Variants in PCDHGB6 observed in about 807,000 individuals in gnomAD.
PCDHGB6 encodes the protein protocadherin gamma-B6.
Under a neutral mutation model 59.1 loss-of-function variants are expected in PCDHGB6, and 51 were observed. The observed-to-expected ratio is 0.86, with a 90% CI of 0.69 to 1.09. The LOEUF (loss-of-function observed/expected upper bound fraction) is 1.09, where lower values mean the gene tolerates loss of function less well. Among genes scored for constraint, PCDHGB6 ranks in the 50% least tolerant of loss-of-function variants. The probability of loss-of-function intolerance (pLI) is 0.00; values close to 1 mark genes in which losing one functional copy is unlikely to be tolerated. For synonymous variants in PCDHGB6, 466 were observed against 495.1 expected, an observed-to-expected ratio of 0.94 and a Z score of 0.78; for missense variants, 1,148 against 1,205.1, an observed-to-expected ratio of 0.95 and a Z score of 0.70.
chr5:141,477,037 G>A lies in PCDHGB6; in HGVS notation c.2419-17770G>A. ...TTGTAACCGGGATGCTGACAATCAAGGGTCGGCTGGACTTCGAGGACACCA... is the reference window on the plus strand; with the variant it reads ...TTGTAACCGGGATGCTGACAATCAAAGGTCGGCTGGACTTCGAGGACACCA... On this transcript the variant is annotated intron_variant, in intron 1 of 3. Coordinates refer to ENST00000520790, the MANE Select transcript of PCDHGB6 (RefSeq NM_018926.3). This position sits in a 1 kb window ranked among gnomAD's most constrained non-coding sequence, Gnocchi z 4.9. 6.2e-7 allele frequency: 1 copy of A among 1,614,266 alleles called. No individual in the cohort carries two copies. The highest frequency in any genetic ancestry group is 8.5e-7 in the Non-Finnish European group (1 of 1,180,052).
In PCDHGB6 at chr5:141,414,653, A is replaced by G. The variant is rs2095771118; in HGVS notation, c.2418+4033A>G. ...AGCAAAGAGAATGCCCAGATTATTT[A>G]CTCCCTGGCTGAAGACACCATCCAG... On this transcript the variant is annotated intron_variant, in intron 1 of 3. Coordinates refer to ENST00000520790, the MANE Select transcript of PCDHGB6 (RefSeq NM_018926.3). 6.2e-7 allele frequency: 1 copy of G among 1,613,644 alleles called. No homozygotes were observed.
intron 1 of PCDHGB6, among the ~76,000 whole-genome samples, chr5:141,439,431 G>A (rs2154558488): frequency 6.6e-6 from 1 of 152,298 alleles, no homozygotes; most frequent in Non-Finnish European, 1.5e-5. Flanking sequence ...AAATTCCCAG[G>A]AATATTTTAT....
chr5:141,451,582 T>C (rs1361047985), intron 1 of PCDHGB6, among the ~76,000 whole-genome samples: 1 of 152,012 alleles, frequency 6.6e-6, no homozygotes, highest in Non-Finnish European at 1.5e-5. Flanking sequence ...TAAACCTAAT[T>C]TTGAAAGTGA....
At chr5:141,428,255 G>C in intron 1 of PCDHGB6, 1 of 875,580 alleles carries the variant, frequency 1.1e-6, no homozygotes, top group Non-Finnish European at 1.8e-6. Flanking sequence ...CCAGACTTCA[G>C]TGACAGTCCT....
At position 141,421,474 on chromosome 5, in the gene PCDHGB6, G is replaced by C. The variant is rs1320526226; in HGVS notation, c.2418+10854G>C. 4 of 1,614,132 alleles carry C rather than the reference G, an allele frequency of 2.5e-6. No homozygotes were observed. The African/African-American group carries it at 5.3e-5, about 21-fold the overall frequency. On this transcript the variant is annotated intron_variant, in intron 1 of 3. Coordinates refer to ENST00000520790, the MANE Select transcript of PCDHGB6 (RefSeq NM_018926.3). ...GCTTTTCGCTGTGAATCCGCGAAGCGGCAGCTTGATCACGGCAGGCAGGAT... is the reference window on the plus strand; with the variant it reads ...GCTTTTCGCTGTGAATCCGCGAAGCCGCAGCTTGATCACGGCAGGCAGGAT...
At position 141,431,398 on chromosome 5, in the gene PCDHGB6, G is replaced by A. The variant is rs1052461071; in HGVS notation, c.2418+20778G>A. ...AGGCTGCTCACCACCTGGTCCTTACGGCCTCCGACGGGGGCGACCCGGTGC... is the reference window on the plus strand; with the variant it reads ...AGGCTGCTCACCACCTGGTCCTTACAGCCTCCGACGGGGGCGACCCGGTGC... On this transcript the variant is annotated intron_variant, in intron 1 of 3. Coordinates refer to ENST00000520790, the MANE Select transcript of PCDHGB6 (RefSeq NM_018926.3). This position sits in a 1 kb window ranked among gnomAD's most constrained non-coding sequence, Gnocchi z 4.8. The A allele has an allele frequency of 6.8e-6, 11 of 1,613,768 alleles. No homozygotes were observed. Among genetic ancestry groups the A allele is most frequent in the Non-Finnish European group, 9.3e-6 (11 of 1,180,036 alleles).
Position 141,491,965 on chromosome 5 carries a change from G to A in PCDHGB6, c.2419-2842G>A. 1 of 946,810 alleles carries A rather than the reference G, an allele frequency of 1.1e-6. No individual in the cohort carries two copies. Among genetic ancestry groups the A allele is most frequent in the Non-Finnish European group, 1.5e-6 (1 of 672,398 alleles). 58.7% of individuals were successfully genotyped at this position (946,810 alleles called of 1,614,324 possible). On this transcript the variant is annotated intron_variant, in intron 1 of 3. Coordinates refer to ENST00000520790, the MANE Select transcript of PCDHGB6 (RefSeq NM_018926.3). The surrounding 1 kb of genome is among the most constrained non-coding windows in gnomAD (Gnocchi z 6.9). ...CCCACCCCTACACTCAAAAAAGGCC[G>A]GGGCCTCCTTCGAGCTTCCGGTGAA...
At position 141,408,387 on chromosome 5, in the gene PCDHGB6, C is replaced by T. The variant is rs774250271; in HGVS notation, c.185C>T (p.Ser62Leu). Reference sequence around the variant, plus strand: ...CTAGGGCTCAGTGTCCTGGATGTGTCGGCTCGCAAGCTGCGAGTGAGCGCG... The same window carrying T: ...CTAGGGCTCAGTGTCCTGGATGTGTTGGCTCGCAAGCTGCGAGTGAGCGCG... ...KDLGLSVLDV[S>L]ARKLRVSAEK... The change falls in exon 1 of 4, where the codon TCG becomes TTG. Residue 62 changes from serine to leucine, a missense_variant. Transcript: ENST00000520790. 1.2e-5 allele frequency: 20 copies of T among 1,613,890 alleles called. No homozygotes were observed. Among genetic ancestry groups the T allele is most frequent in the Non-Finnish European group, 1.6e-5 (19 of 1,179,880 alleles).
chr5:141,497,414 C>A (rs1021294577), intron 2 of PCDHGB6, among the ~76,000 whole-genome samples: 34 of 152,066 alleles, frequency 2.2e-4, no homozygotes, highest in Admixed American at 2.0e-3. Flanking sequence ...CCCATTCCAT[C>A]AAATGAGAGG....
At chr5:141,495,356 C>A (rs889897990) in intron 2 of PCDHGB6, among the ~76,000 whole-genome samples, 3 of 152,222 alleles carry the variant, frequency 2.0e-5, no homozygotes, top group Non-Finnish European at 4.4e-5. Flanking sequence ...GGCAGCACAG[C>A]TGGAGGTGGA....
Position 141,476,072 on chromosome 5 carries a change from C to A in PCDHGB6, c.2419-18735C>A. 1.3e-6 allele frequency: 2 copies of A among 1,523,462 alleles called. No individual in the cohort carries two copies. The highest frequency in any genetic ancestry group is 1.3e-5 in the South Asian group (1 of 77,998). 94.4% of individuals were successfully genotyped at this position (1,523,462 alleles called of 1,614,324 possible). The stretch of plus-strand genomic sequence containing the variant: ...CGCTGAAAGTTTCTCAGCGAAATCT[C>A]AGGGACGATCTGGACCCCGCTGAGA... On this transcript the variant is annotated intron_variant, in intron 1 of 3. Coordinates refer to ENST00000520790, the MANE Select transcript of PCDHGB6 (RefSeq NM_018926.3). The surrounding 1 kb of genome is among the most constrained non-coding windows in gnomAD (Gnocchi z 7.6).
intron 1 of PCDHGB6, chr5:141,423,835 C>T (rs1371309974): frequency 1.2e-5 from 15 of 1,278,290 alleles, no homozygotes; most frequent in African/African-American, 9.4e-5. Flanking sequence ...CATGAGATTA[C>T]GATAATCTTT....
rs564197257 is a variant in PCDHGB6, at chr5:141,458,715, A to G, written c.2419-36092A>G. On this transcript the variant is annotated intron_variant, in intron 1 of 3. Coordinates refer to ENST00000520790, the MANE Select transcript of PCDHGB6 (RefSeq NM_018926.3). ...CTCCCGAGTAGCTGGGATTACAGGT[A>G]TTCGCCACCACATCCAGCTATTGGT... Among the ~76,000 whole-genome samples the G allele has an allele frequency of 3.9e-5, 6 of 152,082 alleles. No homozygotes were observed. The East Asian group carries it at 9.7e-4, about 25-fold the overall frequency.
chr5:141,477,080 A>C lies in PCDHGB6; in HGVS notation c.2419-17727A>C. 1 of 1,614,254 alleles carries C rather than the reference A, an allele frequency of 6.2e-7. No homozygotes were observed. ...GGACACCAAACTCCATGAGATTTAC[A>C]TCCAGGCCAAAGACAAGGGCGCCAA... On this transcript the variant is annotated intron_variant, in intron 1 of 3. Coordinates refer to ENST00000520790, the MANE Select transcript of PCDHGB6 (RefSeq NM_018926.3). This position sits in a 1 kb window ranked among gnomAD's most constrained non-coding sequence, Gnocchi z 4.9.
chr5:141,442,786 A>T (rs569050347), intron 1 of PCDHGB6, among the ~76,000 whole-genome samples: 12 of 152,308 alleles, frequency 7.9e-5, no homozygotes, highest in African/African-American at 2.6e-4. Context: ...TATATTTTAT[A>T]ATTTTACTTT....
In PCDHGB6 at chr5:141,489,661, C is replaced by T. The variant is rs756803543; in HGVS notation, c.2419-5146C>T. 36 of 1,614,146 alleles carry T rather than the reference C, an allele frequency of 2.2e-5. 1 individual carries two copies. Among genetic ancestry groups the T allele is most frequent in the South Asian group, 5.5e-5 (5 of 91,090 alleles). ...CTTTGCCACCCCTGAGCGAGAGATG[C>T]GCATCTCAGAATCAGCAGCATCTGG... On this transcript the variant is annotated intron_variant, in intron 1 of 3. Coordinates refer to ENST00000520790, the MANE Select transcript of PCDHGB6 (RefSeq NM_018926.3). The surrounding 1 kb of genome is among the most constrained non-coding windows in gnomAD (Gnocchi z 4.5).
At chr5:141,429,297 T>C (rs985228754) in intron 1 of PCDHGB6, 7 of 152,208 alleles carry the variant, frequency 4.6e-5, no homozygotes, top group Admixed American at 3.3e-4. Flanking sequence ...GGGACATCAA[T>C]ATTTGAGTAT....
Position 141,432,943 on chromosome 5 carries a change from A to G in PCDHGB6, c.2418+22323A>G, listed in dbSNP as rs1200038728. ...ACAAGTCACGCCTGCTGCAGGCTTC[A>G]GGAGGCGGCTTGACAGGAGCGCCGG... On this transcript the variant is annotated intron_variant, in intron 1 of 3. Transcript: ENST00000520790. This position sits in a 1 kb window ranked among gnomAD's most constrained non-coding sequence, Gnocchi z 6.0. 5.6e-6 allele frequency: 9 copies of G among 1,614,168 alleles called. No homozygotes were observed. The highest frequency in any genetic ancestry group is 1.7e-4 in the Middle Eastern group (1 of 6,060).
chr5:141,466,099 G>A (rs879849411), intron 1 of PCDHGB6, among the ~76,000 whole-genome samples: 2 of 151,938 alleles, frequency 1.3e-5, no homozygotes, highest in Non-Finnish European at 2.9e-5. Context: ...TCCAGCCTGG[G>A]CAACAGAGTG....
Sources: gnomAD v4.1 joint callset for allele counts (sites outside exome capture counted in the v4.1 genomes callset) on GRCh38, gnomAD v4.1.1 for gene constraint, Gnocchi (gnomAD v3.1) non-coding constraint, MANE v1.5 for transcripts, NCBI Gene and HGNC (gene_info 2026-07-23, HGNC 2026-07-21) for gene names.